CNBD1: variants seen among roughly 807,000 people sequenced by gnomAD.
CNBD1 encodes the protein cyclic nucleotide-binding domain-containing protein 1.
A neutral mutation model predicts 54.4 loss-of-function variants in CNBD1; 71 were observed. The ratio of observed to expected loss-of-function variants is 1.30; its 90% CI spans 1.08 to 1.59. CNBD1 has a LOEUF of 1.59. Ranked by LOEUF, CNBD1 falls within the 40% of genes most tolerant of loss-of-function variation. The pLI is 0.00. For synonymous variants in CNBD1, 182 were observed against 170.7 expected (o/e 1.07, Z -0.51); for missense variants, 659 against 518.0 (o/e 1.27, Z -2.64).
At position 87,418,851 on chromosome 8, in the gene CNBD1, A is replaced by G. The variant is rs1807879426; in HGVS notation, c.214-9695A>G. 2.0e-5 allele frequency among the ~76,000 whole-genome samples: 3 copies of G among 151,940 alleles called. 1 individual carries two copies. The highest frequency in any genetic ancestry group is 2.0e-4 in the Admixed American group (3 of 15,214). On this transcript the variant is annotated intron_variant, in intron 2 of 7. Transcript: ENST00000521593. The stretch of plus-strand genomic sequence containing the variant: ...AAATTGAAACCCTTATACATAGCTG[A>G]TGAAAGTGTAAAATGATGCAGCTGT...
At chr8:87,058,534 C>G (rs1810473575) in intron 4 of CNBD1, among the ~76,000 whole-genome samples, 1 of 152,196 alleles carries the variant, frequency 6.6e-6, no homozygotes, top group Admixed American at 6.5e-5. Context: ...CATACATCCT[C>G]TGAAATCTAG....
intron 2 of CNBD1, among the ~76,000 whole-genome samples, chr8:87,389,312 T>G (rs549758127): frequency 2.6e-5 from 4 of 152,140 alleles, no homozygotes; most frequent in Non-Finnish European, 5.9e-5. Context: ...AGTCAAATTG[T>G]CCCTGTTTGC....
At chr8:87,232,513 C>A (rs939876636) in intron 5 of CNBD1, among the ~76,000 whole-genome samples, 2 of 152,062 alleles carry the variant, frequency 1.3e-5, no homozygotes, top group African/African-American at 4.8e-5. Flanking sequence ...TTCAAAAATT[C>A]TGATTTGTAT....
At chr8:87,173,464 A>T (rs1486594524) in intron 4 of CNBD1, among the ~76,000 whole-genome samples, 21 of 152,192 alleles carry the variant, frequency 1.4e-4, no homozygotes. Context: ...CTTGTAGCAT[A>T]GGTCTGGTGT....
At chr8:87,394,811 G>C (rs552588594) in intron 2 of CNBD1, among the ~76,000 whole-genome samples, 1 of 151,446 alleles carries the variant, frequency 6.6e-6, no homozygotes. Flanking sequence ...AAATTTTATG[G>C]CTCTTTTTCT....
intron 2 of CNBD1, among the ~76,000 whole-genome samples, chr8:87,414,029 C>A (rs1428762233): frequency 6.6e-6 from 1 of 152,022 alleles, no homozygotes; most frequent in Non-Finnish European, 1.5e-5. Flanking sequence ...TGGGTATATA[C>A]CCAAAGGATT....
intron 6 of CNBD1, among the ~76,000 whole-genome samples, chr8:87,273,650 T>G (rs950229107): frequency 6.6e-6 from 1 of 152,038 alleles, no homozygotes; most frequent in African/African-American, 2.4e-5. Flanking sequence ...TCCAGTTACT[T>G]TATCATGAAT....
intron 2 of CNBD1, among the ~76,000 whole-genome samples, chr8:86,897,367 CAAAT>C: frequency 6.6e-6 from 1 of 152,074 alleles, no homozygotes; most frequent in Non-Finnish European, 1.5e-5. Context: ...TGAGTTAACA[CAAAT>C]AAGTAACTGC....
chr8:87,290,731 C>T (rs1156946762), intron 8 of CNBD1, among the ~76,000 whole-genome samples: 1 of 152,076 alleles, frequency 6.6e-6, no homozygotes, highest in African/African-American at 2.4e-5. Flanking sequence ...GACAGCTTTG[C>T]AGGGTGTAGG....
At chr8:86,922,561 G>A (rs898094503) in intron 3 of CNBD1, among the ~76,000 whole-genome samples, 1 of 152,088 alleles carries the variant, frequency 6.6e-6, no homozygotes, top group African/African-American at 2.4e-5. Flanking sequence ...GGGTATTATT[G>A]TAGCCAAGTG....
intron 2 of CNBD1, among the ~76,000 whole-genome samples, chr8:87,413,622 T>C (rs372927827): frequency 9.2e-5 from 14 of 152,216 alleles, no homozygotes; most frequent in Admixed American, 3.9e-4. Context: ...AACCTACTCA[T>C]CTGACAAAGG....
chr8:87,270,528 G>C (rs1252380933), intron 6 of CNBD1, among the ~76,000 whole-genome samples: 2 of 151,868 alleles, frequency 1.3e-5, no homozygotes, highest in Non-Finnish European at 2.9e-5. Context: ...GTGTAAATTA[G>C]TTCAACCATT....
At chr8:87,017,982 G>A (rs1180221622) in intron 4 of CNBD1, among the ~76,000 whole-genome samples, 2 of 152,160 alleles carry the variant, frequency 1.3e-5, no homozygotes, top group African/African-American at 4.8e-5. Context: ...AGTGGCTCAC[G>A]CCTATAATCC....
At chr8:86,945,335 T>G (rs1002157301) in intron 4 of CNBD1, among the ~76,000 whole-genome samples, 2 of 152,134 alleles carry the variant, frequency 1.3e-5, no homozygotes, top group African/African-American at 2.4e-5. Flanking sequence ...CTGAAGATCA[T>G]TATGTTTCAG....
At chr8:87,069,180 A>G (rs1279248246) in intron 4 of CNBD1, among the ~76,000 whole-genome samples, 1 of 151,992 alleles carries the variant, frequency 6.6e-6, no homozygotes, top group Admixed American at 6.6e-5. Context: ...TAGCTTTGGT[A>G]TTATTTCATC....
intron 4 of CNBD1, among the ~76,000 whole-genome samples, chr8:87,112,113 T>C (rs1318286447): frequency 6.6e-6 from 1 of 152,188 alleles, no homozygotes; most frequent in Non-Finnish European, 1.5e-5. Flanking sequence ...ATGGGTTGAC[T>C]CTAGCATGTC....
At chr8:86,902,724 C>G (rs374683034) in intron 2 of CNBD1, among the ~76,000 whole-genome samples, 1 of 152,058 alleles carries the variant, frequency 6.6e-6, no homozygotes, top group East Asian at 1.9e-4. Flanking sequence ...GTAGGATTTA[C>G]TCATAGCCTG....
intron 3 of CNBD1, among the ~76,000 whole-genome samples, chr8:86,907,658 CT>C (rs1314810804): frequency 3.3e-5 from 5 of 151,114 alleles, no homozygotes; most frequent in Admixed American, 3.3e-4. Context: ...CAGAGCATGA[CT>C]CTATCTAAAA....
At chr8:87,359,025 C>T (rs761607933) in intron 10 of CNBD1, among the ~76,000 whole-genome samples, 3 of 152,122 alleles carry the variant, frequency 2.0e-5, no homozygotes, top group Non-Finnish European at 2.9e-5. Context: ...TAAAAAACAC[C>T]CTCAAAGACA....
Sources: allele counts gnomAD v4.1 joint callset (sites outside exome capture counted in the v4.1 genomes callset), GRCh38; gene constraint gnomAD v4.1.1; transcripts MANE v1.5; gene names NCBI Gene and HGNC (gene_info 2026-07-23, HGNC 2026-07-21).